TENM2: variants seen among roughly 807,000 people sequenced by gnomAD.
The protein encoded by TENM2 is teneurin-2.
A neutral mutation model predicts 245.2 loss-of-function variants in TENM2; 52 were observed. The ratio of observed to expected loss-of-function variants is 0.21; its 90% CI spans 0.17 to 0.27. TENM2 has a LOEUF of 0.27. Ranked by LOEUF, TENM2 falls within the 10% of genes least tolerant of loss-of-function variation. TENM2 has a pLI of 1.00. For synonymous variants in TENM2, 1,363 were observed against 1,438.9 expected (o/e 0.95, Z 1.19); for missense variants, 3,046 against 3,666.8 (o/e 0.83, Z 4.37).
At chr5:167,548,586 T>C (rs140512772) in intron 2 of TENM2, among the ~76,000 whole-genome samples, 116 of 152,186 alleles carry the variant, frequency 7.6e-4, no homozygotes, top group Non-Finnish European at 1.5e-3. Context: ...CTTCCCTGTA[T>C]TGAATTGTTT....
intron 2 of TENM2, among the ~76,000 whole-genome samples, chr5:167,864,010 C>T (rs968228007): frequency 6.6e-6 from 1 of 152,100 alleles, no homozygotes; most frequent in Non-Finnish European, 1.5e-5. Flanking sequence ...TGAGGGGGAG[C>T]TTTTCATGCT....
chr5:167,054,194 AT>A, the TENM2 span, among the ~76,000 whole-genome samples: 1 of 133,414 alleles, frequency 7.5e-6, no homozygotes, highest in Non-Finnish European at 1.6e-5. Flanking sequence ...TGCTCTATTT[AT>A]TTCTATCTCC....
the TENM2 span, among the ~76,000 whole-genome samples, chr5:167,122,885 A>C: frequency 6.6e-6 from 1 of 152,114 alleles, no homozygotes; most frequent in Non-Finnish European, 1.5e-5. Context: ...AATGTTTCTC[A>C]ATGAGGCAAA....
intron 2 of TENM2, among the ~76,000 whole-genome samples, chr5:167,699,290 C>G (rs968057125): frequency 1.3e-5 from 2 of 151,900 alleles, no homozygotes; most frequent in Non-Finnish European, 2.9e-5. Context: ...GAAGTCTCAT[C>G]CAAGCCCAAT....
chr5:167,564,793 G>T (rs1324848768), intron 2 of TENM2, among the ~76,000 whole-genome samples: 1 of 152,132 alleles, frequency 6.6e-6, no homozygotes, highest in Non-Finnish European at 1.5e-5. Flanking sequence ...TTTCTTTCAT[G>T]GGGATGGCAT....
chr5:167,663,117 G>C (rs956102252), intron 2 of TENM2, among the ~76,000 whole-genome samples: 1 of 150,790 alleles, frequency 6.6e-6, no homozygotes, highest in African/African-American at 2.4e-5. Context: ...TTTAGAGATA[G>C]AGAGACAGAG....
intron 2 of TENM2, among the ~76,000 whole-genome samples, chr5:167,725,767 G>A (rs919474890): frequency 1.3e-5 from 2 of 152,066 alleles, no homozygotes; most frequent in Non-Finnish European, 2.9e-5. Flanking sequence ...CTTCCTACAG[G>A]TCAGGGTCAC....
chr5:167,586,947 G>A (rs1352015757), intron 2 of TENM2, among the ~76,000 whole-genome samples: 1 of 152,180 alleles, frequency 6.6e-6, no homozygotes, highest in Non-Finnish European at 1.5e-5. Flanking sequence ...ATGTTAATTA[G>A]TAATTGTTGG....
intron 2 of TENM2, among the ~76,000 whole-genome samples, chr5:167,773,979 T>A (rs1763571002): frequency 6.6e-6 from 1 of 151,972 alleles, no homozygotes; most frequent in African/African-American, 2.4e-5. Flanking sequence ...AGCTGAAGGG[T>A]TCTCGACTGT....
At chr5:167,153,212 C>A in the TENM2 span, among the ~76,000 whole-genome samples, 1 of 151,846 alleles carries the variant, frequency 6.6e-6, no homozygotes, top group Non-Finnish European at 1.5e-5. Context: ...TTGACTCCCC[C>A]CAAACTTAAC....
In TENM2 at chr5:167,511,656, G is replaced by T. The variant is rs76071673; in HGVS notation, c.502+136183G>T. Among the ~76,000 whole-genome samples, 1,459 of 152,276 alleles carry T rather than the reference G, an allele frequency of 9.6e-3. 28 individuals are homozygous for T. The highest frequency in any genetic ancestry group is 0.034 in the African/African-American group (1,396 of 41,554). Reference sequence around the variant, plus strand: ...ACAAGAATTGTGATTACAAGCTCCAGTCAATGGTCATGACTGCCTGATATG... The same window carrying T: ...ACAAGAATTGTGATTACAAGCTCCATTCAATGGTCATGACTGCCTGATATG... On this transcript the variant is annotated intron_variant, in intron 2 of 28. Coordinates refer to ENST00000518659, the Ensembl canonical transcript of TENM2.
chr5:167,383,287 G>A (rs1761202162), intron 2 of TENM2, among the ~76,000 whole-genome samples: 1 of 152,094 alleles, frequency 6.6e-6, no homozygotes, highest in Non-Finnish European at 1.5e-5. Context: ...GGGGGAGAGA[G>A]AGAAGAGAAA....
the TENM2 span, among the ~76,000 whole-genome samples, chr5:167,071,638 C>T: frequency 6.6e-6 from 1 of 152,062 alleles, no homozygotes; most frequent in Non-Finnish European, 1.5e-5. Flanking sequence ...AGGAAAGTAG[C>T]TTAAAAAGGA....
intron 27 of TENM2, among the ~76,000 whole-genome samples, chr5:168,252,365 CAAAAA>C (rs35385737): frequency 3.5e-5 from 4 of 115,316 alleles, no homozygotes; most frequent in African/African-American, 3.4e-5. Flanking sequence ...GACCCTGTCT[CAAAAA>C]AAAAAAAAAA....
chr5:168,161,332 G>A lies in TENM2; in HGVS notation c.2423-1279G>A, dbSNP rs570051651. Among the ~76,000 whole-genome samples, 8 of 152,266 alleles carry A rather than the reference G, an allele frequency of 5.3e-5. No individual in the cohort carries two copies. In the East Asian group the frequency reaches 7.7e-4, roughly 15 times the overall value. On this transcript the variant is annotated intron_variant, in intron 12 of 28. Coordinates refer to ENST00000518659, the Ensembl canonical transcript of TENM2. Reference sequence around the variant, plus strand: ...GGTGGCAGAGGTAGAGATAGGACTCGAGATAGATATTCAAGGAAATTACTT... The same window carrying A: ...GGTGGCAGAGGTAGAGATAGGACTCAAGATAGATATTCAAGGAAATTACTT...
intron 12 of TENM2, among the ~76,000 whole-genome samples, chr5:168,140,396 A>T (rs552458621): frequency 6.6e-6 from 1 of 152,276 alleles, no homozygotes; most frequent in East Asian, 1.9e-4. Context: ...AGGATTTCCC[A>T]CTAATGCCTC....
At chr5:167,742,043 C>T (rs1344352877) in intron 2 of TENM2, among the ~76,000 whole-genome samples, 1 of 152,146 alleles carries the variant, frequency 6.6e-6, no homozygotes. Context: ...CTGTATCTTG[C>T]AGATTATTGC....
intron 2 of TENM2, among the ~76,000 whole-genome samples, chr5:167,456,005 G>A (rs960179023): frequency 3.3e-5 from 5 of 152,038 alleles, no homozygotes; most frequent in African/African-American, 1.2e-4. Context: ...AATTTTGAGA[G>A]GTCTTACTAA....
the TENM2 span, among the ~76,000 whole-genome samples, chr5:167,115,828 G>A: frequency 6.6e-6 from 1 of 152,128 alleles, no homozygotes; most frequent in South Asian, 2.1e-4. Flanking sequence ...AACTTGGTTT[G>A]GGCAGTATAA....
Sources: gnomAD v4.1 joint callset for allele counts (sites outside exome capture counted in the v4.1 genomes callset) on GRCh38, gnomAD v4.1.1 for gene constraint, MANE v1.5 for transcripts, NCBI Gene and HGNC (gene_info 2026-07-23, HGNC 2026-07-21) for gene names.